The following KAZN variants were observed in gnomAD, a reference collection of about 807,000 sequenced individuals.
The protein encoded by KAZN is kazrin.
KAZN carries 40 observed loss-of-function variants against 87.4 expected under a neutral mutation model. The ratio of observed to expected loss-of-function variants is 0.46; its 90% CI spans 0.36 to 0.60. The LOEUF (loss-of-function observed/expected upper bound fraction) is 0.60. Among genes scored for constraint, KAZN ranks in the 20% least tolerant of loss-of-function variants. KAZN has a pLI of 0.00. For missense variants in KAZN, 898 were observed against 1,073.9 expected, an observed-to-expected ratio of 0.84 and a Z score of 2.29; for synonymous variants, 466 against 458.3, an observed-to-expected ratio of 1.02 and a Z score of -0.22.
chr1:14,472,147 A>T (rs747714766), intron 2 of KAZN, among the ~76,000 whole-genome samples: 6 of 152,186 alleles, frequency 3.9e-5, no homozygotes, highest in Non-Finnish European at 8.8e-5. Context: ...CACTAATCCC[A>T]TTCATGAGGG....
At chr1:14,047,016 G>A (rs1303782975) in intron 1 of KAZN, among the ~76,000 whole-genome samples, 6 of 152,174 alleles carry the variant, frequency 3.9e-5, no homozygotes, top group Non-Finnish European at 8.8e-5. Context: ...TCTGTCCAGT[G>A]GGTCCACTTT....
intron 2 of KAZN, among the ~76,000 whole-genome samples, chr1:14,997,470 C>T (rs1386855526): frequency 1.3e-5 from 2 of 152,010 alleles, no homozygotes; most frequent in Non-Finnish European, 2.9e-5. Context: ...GCACTCCCGA[C>T]CTCAGGTGAT....
intron 2 of KAZN, among the ~76,000 whole-genome samples, chr1:15,022,767 G>A (rs1670813263): frequency 6.6e-6 from 1 of 152,238 alleles, no homozygotes; most frequent in Non-Finnish European, 1.5e-5. Flanking sequence ...CCCCCTCTAG[G>A]TGGGGTTGGT....
chr1:14,058,447 G>A (rs1642663610), intron 1 of KAZN, among the ~76,000 whole-genome samples: 2 of 152,046 alleles, frequency 1.3e-5, no homozygotes, highest in Non-Finnish European at 1.5e-5. Context: ...AATATATAAA[G>A]AAGAAGAAAA....
rs149766063 is a variant in KAZN at position 15,092,791 on chromosome 1, G to A, written c.1223-1389G>A. On this transcript the variant is annotated intron_variant, in intron 8 of 14. Transcript: ENST00000376030. ...CGCCCGGCCTGTTTAGGTTTTTATC[G>A]AACCCTCTTTTAGAGAGATTCTTTT... 2.7e-3 allele frequency among the ~76,000 whole-genome samples: 412 copies of A among 152,130 alleles called. 11 individuals carry two copies. The highest frequency in any genetic ancestry group is 1.3e-3 in the Non-Finnish European group (89 of 68,002).
In KAZN at chr1:14,429,036, T is replaced by G. The variant is rs146817090; in HGVS notation, c.250-169947T>G. Among the ~76,000 whole-genome samples the G allele has an allele frequency of 5.3e-5, 8 of 152,264 alleles. No homozygotes were observed. In the East Asian group the frequency reaches 1.5e-3, roughly 29 times the overall value. ...TGGGCCAGGATAGTTTCAGAAAATA[T>G]CTAAATATCTAGGTCCTTATTGATC... On this transcript the variant is annotated intron_variant, in intron 2 of 16. Coordinates refer to the KAZN transcript ENST00000636203.
At chr1:14,588,666 T>C (rs558190472) in intron 2 of KAZN, among the ~76,000 whole-genome samples, 42 of 152,316 alleles carry the variant, frequency 2.8e-4, no homozygotes, top group Middle Eastern at 3.4e-3. Context: ...TTGAGAGACA[T>C]TGAAGTGCAC....
At chr1:13,999,197 A>C (rs571616873) in intron 1 of KAZN, among the ~76,000 whole-genome samples, 1 of 152,174 alleles carries the variant, frequency 6.6e-6, no homozygotes, top group East Asian at 1.9e-4. Context: ...AAAATAGAAA[A>C]AATTAGCTGG....
At chr1:14,572,299 G>A (rs1013530546) in intron 2 of KAZN, among the ~76,000 whole-genome samples, 1 of 152,172 alleles carries the variant, frequency 6.6e-6, no homozygotes, top group Non-Finnish European at 1.5e-5. Flanking sequence ...TTGTACAAAG[G>A]CTGTGTGTTC....
At chr1:14,003,816 A>G (rs1484297208) in intron 1 of KAZN, among the ~76,000 whole-genome samples, 6 of 152,302 alleles carry the variant, frequency 3.9e-5, no homozygotes, top group South Asian at 2.1e-4. Flanking sequence ...GAGGCAGTCA[A>G]CATTGTTTTA....
intron 2 of KAZN, among the ~76,000 whole-genome samples, chr1:14,573,496 A>C (rs1674995382): frequency 6.6e-6 from 1 of 152,008 alleles, no homozygotes; most frequent in Admixed American, 6.6e-5. Flanking sequence ...AAATACAAAA[A>C]ATTAGCCGGG....
At chr1:14,390,672 A>G (rs1437588737) in intron 2 of KAZN, 1 of 152,452 alleles carries the variant, frequency 6.6e-6, no homozygotes, top group Admixed American at 6.5e-5. Flanking sequence ...TAATAAACAA[A>G]TTTATTGACT....
Position 14,976,664 on chromosome 1 carries a change from G to A in KAZN, c.418+15789G>A, listed in dbSNP as rs111971224. 1.5e-3 allele frequency among the ~76,000 whole-genome samples: 232 copies of A among 152,282 alleles called. 1 individual carries two copies. The highest frequency in any genetic ancestry group is 5.4e-3 in the African/African-American group (224 of 41,558). ...TTTGGCTTCTTGGCTGACCTGCGAC[G>A]AGGCCCAACCAGATGGGCATTGGCC... On this transcript the variant is annotated intron_variant, in intron 2 of 14. Transcript: ENST00000376030.
intron 2 of KAZN, among the ~76,000 whole-genome samples, chr1:14,316,931 G>A (rs773296042): frequency 1.1e-4 from 16 of 151,790 alleles, no homozygotes; most frequent in Non-Finnish European, 1.9e-4. Context: ...TTTATTGAAA[G>A]CCTTGTTTGG....
chr1:14,144,220 C>T (rs1257360807), intron 1 of KAZN, among the ~76,000 whole-genome samples: 1 of 152,110 alleles, frequency 6.6e-6, no homozygotes, highest in Non-Finnish European at 1.5e-5. Flanking sequence ...TGGGATTTTC[C>T]TTCAGTGTCA....
chr1:14,291,601 T>C (rs1245749169), intron 2 of KAZN, among the ~76,000 whole-genome samples: 2 of 152,186 alleles, frequency 1.3e-5, no homozygotes, highest in Non-Finnish European at 1.5e-5. Context: ...ATGGCTTCTC[T>C]TGGCTAGGAA....
intron 1 of KAZN, among the ~76,000 whole-genome samples, chr1:14,065,691 G>C (rs1185088925): frequency 6.6e-6 from 1 of 152,056 alleles, no homozygotes; most frequent in East Asian, 1.9e-4. Context: ...CTCTGAACTT[G>C]TTCCAATCGA....
At chr1:14,578,172 T>G (rs931814766) in intron 2 of KAZN, among the ~76,000 whole-genome samples, 2 of 152,076 alleles carry the variant, frequency 1.3e-5, no homozygotes, top group African/African-American at 4.8e-5. Context: ...TATCCAAAAT[T>G]TCCATTAATT....
At chr1:14,677,666 A>T (rs138119481) in intron 1 of KAZN, among the ~76,000 whole-genome samples, 1 of 152,256 alleles carries the variant, frequency 6.6e-6, no homozygotes, top group African/African-American at 2.4e-5. Flanking sequence ...TCATGTGGAG[A>T]GGAGGACACT....
Sources: allele counts gnomAD v4.1 joint callset (sites outside exome capture counted in the v4.1 genomes callset), GRCh38; gene constraint gnomAD v4.1.1; transcripts MANE v1.5; gene names NCBI Gene and HGNC (gene_info 2026-07-23, HGNC 2026-07-21).